The following PHF20L1 variants were observed in gnomAD, a reference collection of about 807,000 sequenced individuals.
PHF20L1 encodes the protein PHD finger protein 20-like protein 1.
A neutral mutation model predicts 125.5 loss-of-function variants in PHF20L1; 44 were observed. That is an observed-to-expected ratio of 0.35 (90% CI 0.28 to 0.45). PHF20L1 has a LOEUF of 0.45. Ranked by LOEUF, PHF20L1 falls within the 20% of genes least tolerant of loss-of-function variation. The pLI, the probability that PHF20L1 is intolerant of heterozygous loss-of-function variation, is 1.00. For synonymous variants in PHF20L1, 380 were observed against 403.1 expected, an observed-to-expected ratio of 0.94 and a Z score of 0.69; for missense variants, 1,012 against 1,217.2, an observed-to-expected ratio of 0.83 and a Z score of 2.51.
intron 1 of PHF20L1, among the ~76,000 whole-genome samples, chr8:132,777,547 TTC>T (rs1427045646): frequency 1.3e-5 from 2 of 152,246 alleles, no homozygotes. Flanking sequence ...CATTTACTCA[TTC>T]TTTTTAGATA....
chr8:132,796,429 G>T (rs1832398938), intron 4 of PHF20L1, among the ~76,000 whole-genome samples: 2 of 152,052 alleles, frequency 1.3e-5, no homozygotes, highest in Non-Finnish European at 2.9e-5. Flanking sequence ...AAAATAGGAG[G>T]TAAGAGAAGA....
intron 16 of PHF20L1, 104 bp downstream of exon 16, chr8:132,836,825 G>A: frequency 1.2e-6 from 1 of 809,122 alleles, no homozygotes. Flanking sequence ...ACTGAAGATA[G>A]TGGTTTCTAA....
At chr8:132,792,964 CTTTT>C (rs370724463) in intron 2 of PHF20L1, among the ~76,000 whole-genome samples, 4 of 129,616 alleles carry the variant, frequency 3.1e-5, no homozygotes, top group Admixed American at 8.1e-5. Context: ...CCCCTTTTTT[CTTTT>C]TTTTTTTTTT....
At chr8:132,801,221 C>T (rs1250341754) in intron 6 of PHF20L1, among the ~76,000 whole-genome samples, 1 of 151,622 alleles carries the variant, frequency 6.6e-6, no homozygotes, top group African/African-American at 2.4e-5. Flanking sequence ...ACAAAATATA[C>T]GTTGTGACTC....
rs1034064452 is a variant in PHF20L1, at chr8:132,842,500, C to A, written c.2388-15C>A. The A allele has an allele frequency of 7.1e-6, 11 of 1,543,540 alleles. No homozygotes were observed. The highest frequency in any genetic ancestry group is 1.3e-5 in the South Asian group (1 of 79,762). ...TTTTTTTTCTGAACTGCTGTTTTTCCAACTTTGTTTTAAGGAATAAACATC... is the reference window on the plus strand; with the variant it reads ...TTTTTTTTCTGAACTGCTGTTTTTCAAACTTTGTTTTAAGGAATAAACATC... On this transcript the variant is annotated splice_polypyrimidine_tract_variant and intron_variant, in intron 18 of 20. Coordinates refer to ENST00000395386, the MANE Select transcript of PHF20L1 (RefSeq NM_016018.5).
In PHF20L1 at chr8:132,847,776, GATAA is replaced by G. The variant is rs1429979438; in HGVS notation, c.*1856_*1859del. ...CTTTAACTTTGTGAAAGATCTTACT[GATAA>G]ATGAAAAGCTTTAGCAGAGGTGGTA... On this transcript the variant is annotated 3_prime_UTR_variant, in exon 21 of 21. Transcript: ENST00000395386. The G allele has an allele frequency of 6.6e-6, 1 of 152,526 alleles. No homozygotes were observed. Among genetic ancestry groups the G allele is most frequent in the South Asian group, 2.1e-4 (1 of 4,834 alleles). The allele number at this position is 152,526 out of a possible 1,614,324, so 9.4% of individuals were successfully genotyped here.
At position 132,848,724 on chromosome 8, in the gene PHF20L1, C is replaced by T. The variant is rs564124571; in HGVS notation, c.*2801C>T. The T allele has an allele frequency of 6.9e-6, 1 of 145,898 alleles. No homozygotes were observed. The highest frequency in any genetic ancestry group is 2.4e-5 in the African/African-American group (1 of 41,270). The allele number at this position is 145,898 out of a possible 1,614,324, so 9.0% of individuals were successfully genotyped here. ...CTAACACTCATCTTATTTCCACTGT[C>T]TTATTTCCTCTCAGATGTTCATATT... On this transcript the variant is annotated 3_prime_UTR_variant, in exon 21 of 21. Coordinates refer to ENST00000395386, the MANE Select transcript of PHF20L1 (RefSeq NM_016018.5).
intron 1 of PHF20L1, among the ~76,000 whole-genome samples, chr8:132,777,549 C>G (rs1414047822): frequency 6.6e-6 from 1 of 152,216 alleles, no homozygotes; most frequent in East Asian, 1.9e-4. Context: ...TTTACTCATT[C>G]TTTTTAGATA....
At chr8:132,801,245 G>T (rs1398075534) in intron 6 of PHF20L1, among the ~76,000 whole-genome samples, 1 of 151,694 alleles carries the variant, frequency 6.6e-6, no homozygotes, top group African/African-American at 2.4e-5. Context: ...AGTGTTAATG[G>T]TTGGCTTATA....
At chr8:132,806,620 A>T (rs985277763) in intron 8 of PHF20L1, 1 of 152,094 alleles carries the variant, frequency 6.6e-6, no homozygotes, top group African/African-American at 2.4e-5. Flanking sequence ...TGTCATGCAA[A>T]AAGACAGTAG....
chr8:132,821,052 C>T (rs235438), intron 12 of PHF20L1, among the ~76,000 whole-genome samples: 62,475 of 151,568 alleles, frequency 0.41, 13,008 homozygotes, highest in South Asian at 0.51. Flanking sequence ...GTTGGCTTGA[C>T]GTGGCCATGC....
At chr8:132,796,654 G>GT (rs1250766451) in intron 4 of PHF20L1, among the ~76,000 whole-genome samples, 1 of 152,060 alleles carries the variant, frequency 6.6e-6, no homozygotes, top group African/African-American at 2.4e-5. Context: ...TGTGCAGGCT[G>GT]TTTCTTCTTT....
chr8:132,803,536 C>T (rs1470849312), intron 6 of PHF20L1: 2 of 335,520 alleles, frequency 6.0e-6, no homozygotes, highest in African/African-American at 4.3e-5. Flanking sequence ...CCATAGGTTT[C>T]CTCTGCTATT....
rs7007372 is a variant in PHF20L1, at chr8:132,831,090, C to T, written c.1745-1145C>T. ...TAGCCTCTGAACTGTCCCCCCACTT[C>T]TATGTGTGCCTTCCTGCATTCCATC... On this transcript the variant is annotated intron_variant, in intron 14 of 20. Coordinates refer to ENST00000395386, the MANE Select transcript of PHF20L1 (RefSeq NM_016018.5). Among the ~76,000 whole-genome samples the T allele has an allele frequency of 8.1e-3, 1,227 of 152,184 alleles. 17 individuals carry two copies. The highest frequency in any genetic ancestry group is 0.028 in the African/African-American group (1,164 of 41,546).
intron 8 of PHF20L1, chr8:132,806,551 T>C (rs1221805556): frequency 1.3e-5 from 2 of 152,096 alleles, no homozygotes. Context: ...TTTAAGTGTG[T>C]GATAATCTTT....
At chr8:132,812,447 T>C (rs1834506611) in intron 9 of PHF20L1, 1 of 985,000 alleles carries the variant, frequency 1.0e-6, no homozygotes, top group African/African-American at 1.7e-5. Context: ...AACCACGTTT[T>C]GAAATTGAAT....
At chr8:132,843,033 A>C in intron 19 of PHF20L1, 158 bp downstream of exon 19, 1 of 1,371,018 alleles carries the variant, frequency 7.3e-7, no homozygotes, top group Non-Finnish European at 9.4e-7. Context: ...TCTCTACAGG[A>C]AAACACTGGC....
At chr8:132,805,077 T>C (rs1363769033) in intron 8 of PHF20L1, among the ~76,000 whole-genome samples, 1 of 151,878 alleles carries the variant, frequency 6.6e-6, no homozygotes, top group Non-Finnish European at 1.5e-5. Flanking sequence ...GTGACACAGT[T>C]TCTCAGATTT....
chr8:132,810,832 C>G (rs564490472), intron 8 of PHF20L1: 1 of 473,864 alleles, frequency 2.1e-6, no homozygotes, highest in South Asian at 2.3e-5. Context: ...TATTAAACAA[C>G]AGACACACAA....
Sources: allele counts gnomAD v4.1 joint callset (sites outside exome capture counted in the v4.1 genomes callset), GRCh38; gene constraint gnomAD v4.1.1; transcripts MANE v1.5; gene names NCBI Gene and HGNC (gene_info 2026-07-23, HGNC 2026-07-21).